TTC17: variants seen among roughly 807,000 people sequenced by gnomAD.
TTC17 encodes tetratricopeptide repeat protein 17.
A neutral mutation model predicts 143.8 loss-of-function variants in TTC17; 58 were observed. The ratio of observed to expected loss-of-function variants is 0.40; its 90% confidence interval spans 0.33 to 0.50. The LOEUF (loss-of-function observed/expected upper bound fraction) is 0.50. Ranked by LOEUF, TTC17 falls within the 20% of genes least tolerant of loss-of-function variation. The pLI, the probability that TTC17 is intolerant of heterozygous loss-of-function variation, is 0.49. For synonymous variants in TTC17, 501 were observed against 497.8 expected (o/e 1.01, Z -0.09); for missense variants, 1,273 against 1,392.5 (o/e 0.91, Z 1.37).
At chr11:43,488,506 GGTA>G (rs1171854957) in intron 21 of TTC17, among the ~76,000 whole-genome samples, 22 of 150,694 alleles carry the variant, frequency 1.5e-4, no homozygotes, top group African/African-American at 4.9e-4. Context: ...ATATAGTAAA[GGTA>G]GTATCTCAGT....
Position 43,467,568 on chromosome 11 carries a change from G to A in TTC17, c.3030+16303G>A, listed in dbSNP as rs73530656. 2.0e-3 allele frequency among the ~76,000 whole-genome samples: 299 copies of A among 152,286 alleles called. 2 individuals carry two copies. The highest frequency in any genetic ancestry group is 6.8e-3 in the African/African-American group (281 of 41,560). The stretch of plus-strand genomic sequence containing the variant: ...GGATATTGAGTTTGTTTTCCCAGAC[G>A]AAGAAGTTCTGAAGGTTGGTTACAT... On this transcript the variant is annotated intron_variant, in intron 21 of 23. Coordinates refer to ENST00000039989, the MANE Select transcript of TTC17 (RefSeq NM_018259.6).
intron 1 of TTC17, among the ~76,000 whole-genome samples, chr11:43,364,341 G>A (rs755139096): frequency 6.6e-6 from 1 of 152,012 alleles, no homozygotes; most frequent in Non-Finnish European, 1.5e-5. Flanking sequence ...ACAGGTGTGA[G>A]CCATTGTGCC....
intron 16 of TTC17, among the ~76,000 whole-genome samples, chr11:43,419,257 A>G (rs1482237835): frequency 6.6e-6 from 1 of 152,234 alleles, no homozygotes; most frequent in Non-Finnish European, 1.5e-5. Flanking sequence ...TTCTCTGTCT[A>G]ATACATATTT....
intron 10 of TTC17, among the ~76,000 whole-genome samples, chr11:43,403,751 A>G (rs1185941483): frequency 6.6e-6 from 1 of 152,220 alleles, no homozygotes. Context: ...AAGGGACAGG[A>G]AAACGACCTA....
At chr11:43,362,735 A>G (rs1215017966) in intron 1 of TTC17, among the ~76,000 whole-genome samples, 1 of 152,178 alleles carries the variant, frequency 6.6e-6, no homozygotes, top group Non-Finnish European at 1.5e-5. Context: ...GTGGGACTAC[A>G]GGCTTGTGCC....
intron 12 of TTC17, 32 bp downstream of exon 12, chr11:43,405,661 A>ATTC: frequency 6.2e-7 from 1 of 1,611,670 alleles, no homozygotes; most frequent in Non-Finnish European, 8.5e-7. Context: ...AAAGCACCTG[A>ATTC]TTCTGCATGA....
intron 1 of TTC17, among the ~76,000 whole-genome samples, chr11:43,375,449 C>T (rs900158673): frequency 6.6e-6 from 1 of 152,074 alleles, no homozygotes; most frequent in Non-Finnish European, 1.5e-5. Context: ...TGTTTTCCTT[C>T]ATATTGTCTT....
intron 2 of TTC17, among the ~76,000 whole-genome samples, chr11:43,380,459 T>G (rs2134484022): frequency 6.6e-6 from 1 of 152,286 alleles, no homozygotes; most frequent in Middle Eastern, 3.4e-3. Flanking sequence ...TTTGCCATGT[T>G]GGCCAGGCTG....
chr11:43,427,200 G>C (rs747943984), intron 16 of TTC17, among the ~76,000 whole-genome samples: 1 of 152,118 alleles, frequency 6.6e-6, no homozygotes, highest in Admixed American at 6.5e-5. Flanking sequence ...TCACTTTCCT[G>C]TGTGTCAGCA....
At chr11:43,462,308 AT>A (rs1291888921) in intron 21 of TTC17, among the ~76,000 whole-genome samples, 1 of 152,228 alleles carries the variant, frequency 6.6e-6, no homozygotes, top group East Asian at 1.9e-4. Flanking sequence ...GACTTTGCAG[AT>A]AAAATTGAGG....
intron 18 of TTC17, chr11:43,445,825 T>C: frequency 1.5e-6 from 1 of 676,568 alleles, no homozygotes; most frequent in South Asian, 1.6e-5. Flanking sequence ...AAGTATTAAA[T>C]AGTTTGTGAG....
chr11:43,426,379 A>G (rs755743789), intron 16 of TTC17, among the ~76,000 whole-genome samples: 2 of 152,234 alleles, frequency 1.3e-5, no homozygotes, highest in Non-Finnish European at 2.9e-5. Context: ...ACAAAAATAC[A>G]TAATATCATC....
At chr11:43,363,829 A>G (rs1360563865) in intron 1 of TTC17, among the ~76,000 whole-genome samples, 2 of 152,198 alleles carry the variant, frequency 1.3e-5, no homozygotes, top group Non-Finnish European at 2.9e-5. Context: ...TAACACTTAC[A>G]AATGAAGGAC....
At chr11:43,432,335 G>C (rs897767398) in intron 16 of TTC17, among the ~76,000 whole-genome samples, 1 of 152,150 alleles carries the variant, frequency 6.6e-6, no homozygotes, top group East Asian at 1.9e-4. Flanking sequence ...AGAAAAGAAT[G>C]TTAATATACT....
At chr11:43,458,732 T>C (rs1947809483) in intron 21 of TTC17, among the ~76,000 whole-genome samples, 1 of 152,160 alleles carries the variant, frequency 6.6e-6, no homozygotes, top group Non-Finnish European at 1.5e-5. Context: ...GTGGTTTCGC[T>C]TTCCACAGTT....
chr11:43,431,062 G>C (rs373975323), intron 16 of TTC17, among the ~76,000 whole-genome samples: 1 of 152,082 alleles, frequency 6.6e-6, no homozygotes, highest in South Asian at 2.1e-4. Flanking sequence ...TGAGAATGAT[G>C]GTTTCCAGCT....
chr11:43,474,591 C>G (rs1948151250), intron 21 of TTC17, among the ~76,000 whole-genome samples: 1 of 151,950 alleles, frequency 6.6e-6, no homozygotes, highest in Non-Finnish European at 1.5e-5. Flanking sequence ...ATAACCATAC[C>G]AAGGGGAATT....
chr11:43,444,654 A>G (rs968733179), intron 18 of TTC17: 1 of 153,984 alleles, frequency 6.5e-6, no homozygotes, highest in African/African-American at 2.4e-5. Context: ...AGCACCTACA[A>G]ATCAATATGA....
In TTC17 at chr11:43,492,072, A is replaced by G. The variant is rs1176935608; in HGVS notation, c.3203A>G (p.Asn1068Ser). ...ANILHNAKLW[N>S]DAVIVATMAV... is the part of the protein sequence containing the mutation. ...ATCTTGCACAATGCCAAGCTCTGGA[A>G]TGACGCCGTCATAGTAGCCACCATG... The change falls in exon 23 of 24, where the codon AAT (asparagine) becomes AGT (serine). Residue 1068 changes from asparagine to serine, a missense_variant. Physicochemically the swap from Asn to Ser is conservative, Grantham distance 46. Transcript: ENST00000039989. 3 of 1,614,118 alleles carry G rather than the reference A, an allele frequency of 1.9e-6. No individual in the cohort carries two copies. The highest frequency in any genetic ancestry group is 2.5e-6 in the Non-Finnish European group (3 of 1,179,990).
Sources: gnomAD v4.1 joint callset for allele counts (sites outside exome capture counted in the v4.1 genomes callset) on GRCh38, gnomAD v4.1.1 for gene constraint, MANE v1.5 for transcripts, NCBI Gene and HGNC (gene_info 2026-07-23, HGNC 2026-07-21) for gene names.